Variants in DNM3 observed in about 807,000 individuals in gnomAD.
The protein encoded by DNM3 is dynamin-3.
DNM3 carries 47 observed loss-of-function variants against 101.6 expected under a neutral mutation model. That is an observed-to-expected ratio of 0.46 (90% confidence interval 0.37 to 0.59). The LOEUF is 0.59. DNM3 is among the 20% of genes least tolerant of loss of function. DNM3 has a pLI of 0.00. For synonymous variants in DNM3, 385 were observed against 387.9 expected (o/e 0.99, Z 0.09); for missense variants, 849 against 1,085.7 (o/e 0.78, Z 3.06).
intron 12 of DNM3, 78 bp downstream of exon 12, chr1:172,081,980 G>C: frequency 1.4e-6 from 2 of 1,404,506 alleles, no homozygotes; most frequent in South Asian, 2.4e-5. Flanking sequence ...TTTTACTACA[G>C]TTTCACCACC....
chr1:171,962,804 C>T (rs2043305739), intron 2 of DNM3, among the ~76,000 whole-genome samples: 1 of 152,132 alleles, frequency 6.6e-6, no homozygotes, highest in South Asian at 2.1e-4. Context: ...CAGTCTACAA[C>T]AGTTACATAA....
chr1:171,984,329 C>T (rs2045071823), intron 2 of DNM3, among the ~76,000 whole-genome samples: 1 of 152,124 alleles, frequency 6.6e-6, no homozygotes, highest in South Asian at 2.1e-4. Flanking sequence ...AATCAAAGTC[C>T]TTAAAATGGT....
intron 17 of DNM3, among the ~76,000 whole-genome samples, chr1:172,345,749 G>A (rs1055582760): frequency 2.6e-5 from 4 of 152,204 alleles, no homozygotes; most frequent in Admixed American, 2.0e-4. Context: ...TGTTCCCAGG[G>A]TTCCCAGTTT....
chr1:171,946,464 A>G (rs1004762211), intron 2 of DNM3, among the ~76,000 whole-genome samples: 4 of 152,018 alleles, frequency 2.6e-5, no homozygotes, highest in Non-Finnish European at 5.9e-5. Flanking sequence ...GACAATGTCT[A>G]TTTTGGTGTG....
intron 14 of DNM3, among the ~76,000 whole-genome samples, chr1:172,234,551 A>G (rs1345080323): frequency 6.6e-6 from 1 of 152,172 alleles, no homozygotes; most frequent in East Asian, 1.9e-4. Context: ...TTCATATGCA[A>G]CCAAAAAAGA....
intron 14 of DNM3, among the ~76,000 whole-genome samples, chr1:172,225,095 A>G (rs1329512865): frequency 1.1e-5 from 1 of 88,274 alleles, no homozygotes; most frequent in African/African-American, 4.5e-5. Context: ...CCTCTTTGCT[A>G]TTTTCTTTGG....
chr1:171,926,026 A>G (rs191572707), intron 2 of DNM3, among the ~76,000 whole-genome samples: 43 of 152,160 alleles, frequency 2.8e-4, no homozygotes, highest in African/African-American at 1.0e-3. Context: ...ATGTGGCTTT[A>G]CTTCTGAGTT....
chr1:172,179,942 C>A (rs1323062923), intron 14 of DNM3, among the ~76,000 whole-genome samples: 1 of 151,940 alleles, frequency 6.6e-6, no homozygotes, highest in Non-Finnish European at 1.5e-5. Context: ...ATAATAAGCT[C>A]AGGTGGTGAA....
intron 1 of DNM3, among the ~76,000 whole-genome samples, chr1:171,918,319 A>G (rs1430912399): frequency 6.6e-6 from 1 of 152,218 alleles, no homozygotes; most frequent in Non-Finnish European, 1.5e-5. Flanking sequence ...TCAGTTTAGA[A>G]GTAAAAGAAA....
At chr1:172,156,252 C>A (rs1329531480) in intron 14 of DNM3, among the ~76,000 whole-genome samples, 1 of 151,996 alleles carries the variant, frequency 6.6e-6, no homozygotes, top group Non-Finnish European at 1.5e-5. Flanking sequence ...AATATGACCA[C>A]CCCAGTGTTT....
chr1:172,228,651 TTTTATTA>T (rs2061225403), intron 14 of DNM3, among the ~76,000 whole-genome samples: 2 of 152,170 alleles, frequency 1.3e-5, no homozygotes, highest in Non-Finnish European at 2.9e-5. Flanking sequence ...TTGCCTAAGA[TTTTATTA>T]TATCACTGTA....
intron 20 of DNM3, among the ~76,000 whole-genome samples, chr1:172,401,603 A>T (rs1232882695): frequency 1.3e-5 from 2 of 152,184 alleles, no homozygotes; most frequent in Admixed American, 6.5e-5. Flanking sequence ...GGGGAAAGAA[A>T]TGCTGGCTCT....
Position 171,989,124 on chromosome 1 carries a change from C to T in DNM3, c.565C>T (p.Leu189=), listed in dbSNP as rs2045469947. 1.2e-6 allele frequency: 2 copies of T among 1,612,724 alleles called. No individual in the cohort carries two copies. The highest frequency in any genetic ancestry group is 1.1e-5 in the South Asian group (1 of 90,914). ...TDLANSDALK[L]AKEVDPQGLR... is the part of the protein sequence containing the mutation. Reference sequence around the variant, plus strand: ...TCTTGCAAACTCAGATGCGCTGAAGCTAGCTAAAGAAGTTGATCCTCAAGG... The same window carrying T: ...TCTTGCAAACTCAGATGCGCTGAAGTTAGCTAAAGAAGTTGATCCTCAAGG... Residue 189 remains leucine, a synonymous_variant, in exon 4 of 21, where the codon CTA becomes TTA. Transcript: ENST00000627582.
chr1:172,405,345 A>C (rs1390376832), intron 20 of DNM3, among the ~76,000 whole-genome samples: 1 of 152,072 alleles, frequency 6.6e-6, no homozygotes, highest in Non-Finnish European at 1.5e-5. Context: ...AAATAAATAC[A>C]TAATCACAAG....
intron 1 of DNM3, among the ~76,000 whole-genome samples, chr1:171,846,663 AAG>A (rs1478253206): frequency 1.3e-5 from 2 of 152,230 alleles, no homozygotes; most frequent in African/African-American, 2.4e-5. Context: ...GAGCCAAGTC[AAG>A]AGAGTCCCAA....
chr1:172,326,533 G>A (rs1380273000), intron 17 of DNM3, among the ~76,000 whole-genome samples: 2 of 151,780 alleles, frequency 1.3e-5, no homozygotes, highest in African/African-American at 4.8e-5. Flanking sequence ...CAGAATGGAG[G>A]CCTTAGGTAA....
At chr1:171,956,039 G>A (rs1184722722) in intron 2 of DNM3, among the ~76,000 whole-genome samples, 4 of 152,132 alleles carry the variant, frequency 2.6e-5, no homozygotes, top group Non-Finnish European at 2.9e-5. Flanking sequence ...ACATGTGGGA[G>A]TTGTGGGAGC....
chr1:172,165,309 GGA>G (rs1487481204), intron 14 of DNM3, among the ~76,000 whole-genome samples: 1 of 151,016 alleles, frequency 6.6e-6, no homozygotes, highest in African/African-American at 2.5e-5. Flanking sequence ...CTCTTTCAGG[GGA>G]AAAAAAGGTG....
chr1:172,187,242 G>A (rs1156258836), intron 14 of DNM3, among the ~76,000 whole-genome samples: 3 of 151,756 alleles, frequency 2.0e-5, no homozygotes, highest in South Asian at 2.1e-4. Context: ...CACCACTTAC[G>A]CTTTGTATCA....
Sources: allele counts gnomAD v4.1 joint callset (sites outside exome capture counted in the v4.1 genomes callset), GRCh38; gene constraint gnomAD v4.1.1; transcripts MANE v1.5; gene names NCBI Gene and HGNC (gene_info 2026-07-23, HGNC 2026-07-21).